The following CCDC57 variants were observed in gnomAD, a reference collection of about 807,000 sequenced individuals.
CCDC57 encodes the protein coiled-coil domain-containing protein 57.
CCDC57 carries 118 observed loss-of-function variants against 118.9 expected under a neutral mutation model. The observed-to-expected ratio is 0.99, with a 90% CI of 0.86 to 1.16. CCDC57 has a LOEUF of 1.16. Among genes scored for constraint, CCDC57 ranks in the 50% most tolerant of loss-of-function variants. CCDC57 has a pLI of 0.00. For missense variants in CCDC57, 1,300 were observed against 1,320.7 expected (o/e 0.98, Z 0.24); for synonymous variants, 527 against 532.9 (o/e 0.99, Z 0.15).
intron 11 of CCDC57, among the ~76,000 whole-genome samples, chr17:82,177,292 C>A (rs2045645113): frequency 6.6e-6 from 1 of 152,124 alleles, no homozygotes; most frequent in South Asian, 2.1e-4. Context: ...AGGAGAATCA[C>A]TTGAACCTGG....
At chr17:82,199,350 C>T (rs961869477) in intron 3 of CCDC57, among the ~76,000 whole-genome samples, 1 of 151,758 alleles carries the variant, frequency 6.6e-6, no homozygotes, top group African/African-American at 2.4e-5. Flanking sequence ...TGGTGGCACA[C>T]ACCTGTAGTG....
Position 82,172,768 on chromosome 17 carries a change from G to A in CCDC57, c.1599C>T (p.Asn533=), listed in dbSNP as rs748746408. Reference sequence around the variant, plus strand: ...TTTCTTTCCTCATCTGGGCAATCGCGTTTCGCAAGCTCGTGTTCTGCTCTC... The same window carrying A: ...TTTCTTTCCTCATCTGGGCAATCGCATTTCGCAAGCTCGTGTTCTGCTCTC... The change falls in exon 12 of 20, where the codon AAC becomes AAT. Residue 533 remains asparagine, a synonymous_variant. Coordinates refer to ENST00000665763, the Ensembl canonical transcript of CCDC57. The surrounding 1 kb of genome is among the most constrained non-coding windows in gnomAD (Gnocchi z 5.2). 20 of 1,612,796 alleles carry A rather than the reference G, an allele frequency of 1.2e-5. No individual in the cohort carries two copies. Among genetic ancestry groups the A allele is most frequent in the South Asian group, 5.5e-5 (5 of 90,660 alleles).
chr17:82,134,132 T>G (rs1208778252), exon 17 of CCDC57: 1 of 1,395,786 alleles, frequency 7.2e-7, no homozygotes. Context: ...AAAGGCCTCC[T>G]GGGCTCCTCG....
intron 7 of CCDC57, 60 bp from the exon 7 acceptor site, chr17:82,188,479 CCT>C: frequency 6.5e-7 from 1 of 1,533,392 alleles, no homozygotes; most frequent in Non-Finnish European, 8.8e-7. Context: ...GGCCCCAGAC[CCT>C]CTTTGGAGGC....
rs772433109 is a variant in CCDC57, at chr17:82,192,510, T to C, written c.851+1246A>G. ...TATTTCAATTTATGATTTTGAAAAA[T>C]GCCAGGTGTAGACTTAAAAACACAC... is the stretch of plus-strand genomic sequence containing the variant. On this transcript the variant is annotated intron_variant, in intron 7 of 19. Coordinates refer to ENST00000665763, the Ensembl canonical transcript of CCDC57. This position sits in a 1 kb window ranked among gnomAD's most constrained non-coding sequence, Gnocchi z 4.0. 3.3e-5 allele frequency among the ~76,000 whole-genome samples: 5 copies of C among 152,214 alleles called. No individual in the cohort carries two copies. Among genetic ancestry groups the C allele is most frequent in the African/African-American group, 4.8e-5 (2 of 41,462 alleles).
At chr17:82,146,008 G>A (rs1435595779) in intron 16 of CCDC57, among the ~76,000 whole-genome samples, 1 of 152,274 alleles carries the variant, frequency 6.6e-6, no homozygotes, top group African/African-American at 2.4e-5. Flanking sequence ...AGCCAGTGAA[G>A]TGGCGGTCAG....
chr17:82,132,490 G>A (rs1476607559), intron 17 of CCDC57, among the ~76,000 whole-genome samples: 1 of 152,034 alleles, frequency 6.6e-6, no homozygotes. Flanking sequence ...AAATTAGCAA[G>A]GAACACACAT....
At chr17:82,204,299 G>A (rs111508111) in intron 2 of CCDC57, among the ~76,000 whole-genome samples, 2 of 152,060 alleles carry the variant, frequency 1.3e-5, no homozygotes. Flanking sequence ...ACTCTCCCAC[G>A]CTCCTGTTCC....
chr17:82,188,196 G>T, intron 8 of CCDC57, 23 bp downstream of exon 7: 1 of 1,528,030 alleles, frequency 6.5e-7, no homozygotes, highest in South Asian at 1.2e-5. Context: ...TCACCCTCTG[G>T]GTGGAGCCAA....
chr17:82,154,953 G>A (rs937951513), intron 15 of CCDC57: 1 of 152,392 alleles, frequency 6.6e-6, no homozygotes, highest in Non-Finnish European at 1.5e-5. Context: ...CACTCGCCAA[G>A]CATCTAGACC....
chr17:82,196,695 C>T (rs190506865), intron 4 of CCDC57, among the ~76,000 whole-genome samples: 21 of 151,982 alleles, frequency 1.4e-4, no homozygotes, highest in Admixed American at 2.0e-4. Flanking sequence ...TCTAGTAACA[C>T]TTACACCTAC....
chr17:82,122,242 C>T (rs1270990317), intron 19 of CCDC57, among the ~76,000 whole-genome samples: 1 of 152,244 alleles, frequency 6.6e-6, no homozygotes, highest in Non-Finnish European at 1.5e-5. Context: ...AAGGAATCTG[C>T]CAGAACCGTT....
intron 16 of CCDC57, among the ~76,000 whole-genome samples, chr17:82,140,222 A>G (rs753673553): frequency 9.9e-5 from 15 of 152,086 alleles, no homozygotes; most frequent in Non-Finnish European, 1.6e-4. Context: ...AGTAGCTGGG[A>G]CTACAGATGC....
intron 19 of CCDC57, among the ~76,000 whole-genome samples, chr17:82,110,403 A>C (rs1411436136): frequency 1.3e-5 from 2 of 152,250 alleles, no homozygotes; most frequent in African/African-American, 4.8e-5. Flanking sequence ...GGTAACTGAG[A>C]GTAGATGAAG....
chr17:82,107,240 GA>G (rs1468090169), intron 19 of CCDC57, among the ~76,000 whole-genome samples: 1 of 152,234 alleles, frequency 6.6e-6, no homozygotes. Context: ...TCTGGGCAAT[GA>G]CCCTCTGGAT....
At chr17:82,208,901 G>C (rs1384715290) in intron 1 of CCDC57, among the ~76,000 whole-genome samples, 2 of 152,078 alleles carry the variant, frequency 1.3e-5, no homozygotes, top group African/African-American at 4.8e-5. Flanking sequence ...CAGAGTCTCA[G>C]TCTGTCACCC....
exon 17 of CCDC57, chr17:82,134,127 C>T (rs1305711292): frequency 6.4e-6 from 9 of 1,400,418 alleles, no homozygotes; most frequent in Admixed American, 6.7e-5. Context: ...GATCCAAAGG[C>T]CTCCTGGGCT....
chr17:82,123,122 C>CTTTTTTTTT (rs34869339), intron 19 of CCDC57, among the ~76,000 whole-genome samples: 1 of 105,766 alleles, frequency 9.5e-6, no homozygotes, highest in Non-Finnish European at 1.9e-5. Flanking sequence ...CTCCTAATAA[C>CTTTTTTTTT]TTTTTTTTTT....
intron 13 of CCDC57, among the ~76,000 whole-genome samples, chr17:82,167,392 C>T (rs977828296): frequency 6.7e-6 from 1 of 148,214 alleles, no homozygotes; most frequent in Non-Finnish European, 1.5e-5. Flanking sequence ...CTCTTGTAGC[C>T]CAGGCTGGAG....
Sources: allele counts gnomAD v4.1 joint callset (sites outside exome capture counted in the v4.1 genomes callset), GRCh38; gene constraint gnomAD v4.1.1; non-coding constraint Gnocchi (gnomAD v3.1); transcripts MANE v1.5; gene names NCBI Gene and HGNC (gene_info 2026-07-23, HGNC 2026-07-21).